PRKN: variants seen among roughly 807,000 people sequenced by gnomAD.
PRKN encodes parkin RBR E3 ubiquitin protein ligase.
Under a neutral mutation model 59.5 loss-of-function variants are expected in PRKN, and 56 were observed. The observed-to-expected ratio is 0.94, with a 90% CI of 0.76 to 1.18. The LOEUF is 1.18. Ranked by LOEUF, PRKN falls within the 50% of genes most tolerant of loss-of-function variation. The pLI, the probability that PRKN is intolerant of heterozygous loss-of-function variation, is 0.00. For missense variants in PRKN, 657 were observed against 596.4 expected (o/e 1.10, Z -1.06); for synonymous variants, 250 against 222.1 (o/e 1.13, Z -1.12).
intron 3 of PRKN, among the ~76,000 whole-genome samples, chr6:162,202,081 T>C (rs1000478376): frequency 2.6e-5 from 4 of 152,212 alleles, no homozygotes; most frequent in Admixed American, 2.6e-4. Context: ...TTTCTAAATT[T>C]TGAAAATTAC....
chr6:162,686,799 T>G (rs1370631993), intron 1 of PRKN, among the ~76,000 whole-genome samples: 2 of 152,138 alleles, frequency 1.3e-5, no homozygotes, highest in Admixed American at 6.5e-5. Context: ...TTTTGTTAAC[T>G]TTTTCAAAGA....
chr6:161,368,381 T>TTATATATATATATATATATATATATATA (rs1562399363), intron 10 of PRKN, among the ~76,000 whole-genome samples: 2 of 70,810 alleles, frequency 2.8e-5, no homozygotes, highest in Non-Finnish European at 3.0e-5. Flanking sequence ...ACCTCAGTCT[T>TTATATATATATATATATATATATATATA]GATATATATA....
intron 7 of PRKN, among the ~76,000 whole-genome samples, chr6:161,767,182 A>C (rs1789458429): frequency 6.6e-6 from 1 of 152,194 alleles, no homozygotes. Context: ...TGTAGGTCCA[A>C]AAACAACCTC....
intron 3 of PRKN, among the ~76,000 whole-genome samples, chr6:162,260,068 C>A (rs901778373): frequency 9.9e-5 from 15 of 152,130 alleles, no homozygotes; most frequent in Admixed American, 2.0e-4. Flanking sequence ...TTTACAGAGG[C>A]CTTTTAGTAG....
At chr6:162,596,049 GTAA>G (rs772900865) in intron 1 of PRKN, among the ~76,000 whole-genome samples, 53 of 152,070 alleles carry the variant, frequency 3.5e-4, no homozygotes, top group Non-Finnish European at 6.5e-4. Context: ...AACACTGCTT[GTAA>G]TAATAAGACT....
intron 1 of PRKN, among the ~76,000 whole-genome samples, chr6:162,497,219 A>G (rs1025516226): frequency 7.2e-5 from 11 of 152,288 alleles, no homozygotes; most frequent in Middle Eastern, 3.4e-3. Flanking sequence ...AAATTTCACT[A>G]TACTGTCACT....
chr6:161,353,940 G>A lies in PRKN; in HGVS notation c.1286-3729C>T, dbSNP rs1270091701. Among the ~76,000 whole-genome samples, 1 of 152,216 alleles carries A rather than the reference G, an allele frequency of 6.6e-6. No individual in the cohort carries two copies. Among genetic ancestry groups the A allele is most frequent in the Non-Finnish European group, 1.5e-5 (1 of 68,046 alleles). On this transcript the variant is annotated intron_variant, in intron 11 of 11. Coordinates refer to ENST00000366898, the MANE Select transcript of PRKN (RefSeq NM_004562.3). This position sits in a 1 kb window ranked among gnomAD's most constrained non-coding sequence, Gnocchi z 4.8. ...AAAAACCCCCGCACATTCCGTCACA[G>A]AAGTCTTCTGTGCTGACTGTTGTTA...
At chr6:161,695,563 G>A (rs1417934806) in intron 7 of PRKN, among the ~76,000 whole-genome samples, 1 of 152,184 alleles carries the variant, frequency 6.6e-6, no homozygotes, top group Non-Finnish European at 1.5e-5. Flanking sequence ...ACTCAAAAGT[G>A]TTGCATTTTG....
At chr6:161,408,950 A>T (rs1026334394) in intron 9 of PRKN, among the ~76,000 whole-genome samples, 27 of 152,158 alleles carry the variant, frequency 1.8e-4, no homozygotes, top group African/African-American at 4.8e-4. Context: ...TTTTAATTTT[A>T]ATTTTTATTT....
In PRKN at chr6:161,560,615, C is replaced by A. The variant is rs534268232; in HGVS notation, c.933+8740G>T. On this transcript the variant is annotated intron_variant, in intron 8 of 11. Transcript: ENST00000366898. This position sits in a 1 kb window ranked among gnomAD's most constrained non-coding sequence, Gnocchi z 4.9. ...CTGTTTTACCTTCTCATCCTGCTGACCTTTTTCTCATCCTTCTATTCGCAC... is the reference window on the plus strand; with the variant it reads ...CTGTTTTACCTTCTCATCCTGCTGAACTTTTTCTCATCCTTCTATTCGCAC... Among the ~76,000 whole-genome samples the A allele has an allele frequency of 6.6e-6, 1 of 152,178 alleles. No individual in the cohort carries two copies. The highest frequency in any genetic ancestry group is 2.1e-4 in the South Asian group (1 of 4,830).
chr6:162,250,315 T>C (rs1779380544), intron 3 of PRKN, among the ~76,000 whole-genome samples: 1 of 152,174 alleles, frequency 6.6e-6, no homozygotes, highest in Non-Finnish European at 1.5e-5. Flanking sequence ...TACCACTTTG[T>C]AGAGGCTGAG....
At chr6:161,719,371 G>A (rs1430616311) in intron 7 of PRKN, among the ~76,000 whole-genome samples, 2 of 152,120 alleles carry the variant, frequency 1.3e-5, no homozygotes, top group Non-Finnish European at 2.9e-5. Flanking sequence ...TGTAGGGTGG[G>A]CAAATGTTTT....
At chr6:162,313,783 A>G in intron 2 of PRKN, among the ~76,000 whole-genome samples, 1 of 152,086 alleles carries the variant, frequency 6.6e-6, no homozygotes, top group East Asian at 1.9e-4. Flanking sequence ...CACCATGCCC[A>G]GCCGCTGCAT....
intron 9 of PRKN, among the ~76,000 whole-genome samples, chr6:161,539,165 C>G (rs2115404500): frequency 6.6e-6 from 1 of 152,292 alleles, no homozygotes; most frequent in East Asian, 1.9e-4. Context: ...ATACGTTTTC[C>G]TATAACGTAA....
intron 7 of PRKN, among the ~76,000 whole-genome samples, chr6:161,678,575 T>TTTTTTTTTTTTTTTTTTTTTA (rs1785179749): frequency 6.8e-6 from 1 of 147,266 alleles, no homozygotes. Flanking sequence ...CTGATTTTTT[T>TTTTTTTTTTTTTTTTTTTTTA]TTTTTTTTTT....
intron 2 of PRKN, among the ~76,000 whole-genome samples, chr6:162,365,922 A>G (rs1472461449): frequency 6.6e-6 from 1 of 152,210 alleles, no homozygotes; most frequent in Non-Finnish European, 1.5e-5. Context: ...TCCACTGAGA[A>G]GATGCATAAT....
At chr6:162,464,204 C>T (rs960232416) in intron 1 of PRKN, among the ~76,000 whole-genome samples, 1 of 151,940 alleles carries the variant, frequency 6.6e-6, no homozygotes. Flanking sequence ...GATTAAAAGG[C>T]GATTACTATT....
chr6:162,122,679 T>C (rs1562526494), intron 4 of PRKN, among the ~76,000 whole-genome samples: 1 of 152,096 alleles, frequency 6.6e-6, no homozygotes, highest in Non-Finnish European at 1.5e-5. Context: ...GTGGTGTCAG[T>C]AGGTGACAAC....
intron 1 of PRKN, among the ~76,000 whole-genome samples, chr6:162,498,991 CAT>C (rs1295861417): frequency 6.6e-6 from 1 of 152,138 alleles, no homozygotes; most frequent in Admixed American, 6.6e-5. Flanking sequence ...ATTTCAGCAA[CAT>C]GTTTGTGTTG....
Sources: allele counts gnomAD v4.1 joint callset (sites outside exome capture counted in the v4.1 genomes callset), GRCh38; gene constraint gnomAD v4.1.1; non-coding constraint Gnocchi (gnomAD v3.1); transcripts MANE v1.5; gene names NCBI Gene and HGNC (gene_info 2026-07-23, HGNC 2026-07-21).